The following ZKSCAN2 variants were observed in gnomAD, a reference collection of about 807,000 sequenced individuals.
ZKSCAN2 encodes zinc finger protein with KRAB and SCAN domains 2.
ZKSCAN2 carries 38 observed loss-of-function variants against 90.5 expected under a neutral mutation model. The ratio of observed to expected loss-of-function variants is 0.42; its 90% CI spans 0.32 to 0.55. The LOEUF (loss-of-function observed/expected upper bound fraction) is 0.55, where lower values mean the gene tolerates loss of function less well. Ranked by LOEUF, ZKSCAN2 falls within the 20% of genes least tolerant of loss-of-function variation. The pLI is 0.11. For missense variants in ZKSCAN2, 1,167 were observed against 1,202.6 expected (o/e 0.97, Z 0.44); for synonymous variants, 429 against 421.6 (o/e 1.02, Z -0.22).
intron 6 of ZKSCAN2, 88 bp downstream of exon 6, chr16:25,243,697 T>G: frequency 7.0e-7 from 1 of 1,427,742 alleles, no homozygotes; most frequent in Non-Finnish European, 9.5e-7. Context: ...GAAGGAATAT[T>G]CATGAGCTAT....
chr16:25,240,428 C>T lies in ZKSCAN2; in HGVS notation c.2292G>A (p.Met764Ile). 2.5e-6 allele frequency: 4 copies of T among 1,614,216 alleles called. No individual in the cohort carries two copies. The highest frequency in any genetic ancestry group is 3.4e-6 in the Non-Finnish European group (4 of 1,180,042). The change falls in exon 7 of 7, where the codon ATG (methionine) becomes ATA (isoleucine). Residue 764 changes from methionine (M) to isoleucine (I), a missense_variant. Transcript: ENST00000328086. ...GESFGRSTRLMCRMTHHKENP... is the reference protein window; with the variant it reads ...GESFGRSTRLICRMTHHKENP... ...TCTCCTTGTGGTGGGTCATCCGGCA[C>T]ATCAGACGAGTGCTCCTTCCAAAGC... is the stretch of plus-strand genomic sequence containing the variant.
Position 25,251,923 on chromosome 16 carries a change from T to C in ZKSCAN2, c.791A>G (p.Asn264Ser). 6.2e-7 allele frequency: 1 copy of C among 1,614,146 alleles called. No homozygotes were observed. Among genetic ancestry groups the C allele is most frequent in the South Asian group, 1.1e-5 (1 of 91,086 alleles). The change falls in exon 4 of 7, where the codon AAC becomes AGC. Residue 264 changes from asparagine to serine, a missense_variant. Transcript: ENST00000328086. Reference protein sequence around the residue: ...YRDFRKENVGNVVSLGSAVST... With the variant: ...YRDFRKENVGSVVSLGSAVST... Reference sequence around the variant, plus strand: ...GGAATCCTTACCCAGGGAGACCACGTTCCCAACATTCTCCTTCCTGAAATC... The same window carrying C: ...GGAATCCTTACCCAGGGAGACCACGCTCCCAACATTCTCCTTCCTGAAATC...
rs1001790536 is a variant in ZKSCAN2 at position 25,237,771 on chromosome 16, T to A, written c.*2045A>T. On this transcript the variant is annotated 3_prime_UTR_variant, in exon 7 of 7. Coordinates refer to ENST00000328086, the MANE Select transcript of ZKSCAN2 (RefSeq NM_001012981.5). The stretch of plus-strand genomic sequence containing the variant: ...TGAATAAGTCATCTACTTTCCTGAA[T>A]CATGCTTCCACATAATATCAATCCT... 11 of 152,376 alleles carry A rather than the reference T, an allele frequency of 7.2e-5. No individual in the cohort carries two copies. Among genetic ancestry groups the A allele is most frequent in the Middle Eastern group, 3.4e-3 (1 of 294 alleles). The allele number at this position is 152,376 out of a possible 1,614,324, so 9.4% of individuals were successfully genotyped here.
Position 25,238,914 on chromosome 16 carries a change from G to A in ZKSCAN2, c.*902C>T, listed in dbSNP as rs1009434221. The A allele has an allele frequency of 1.3e-5, 2 of 152,320 alleles. No individual in the cohort carries two copies. Among genetic ancestry groups the A allele is most frequent in the South Asian group, 2.1e-4 (1 of 4,832 alleles). The allele number at this position is 152,320 out of a possible 1,614,324, so 9.4% of individuals were successfully genotyped here. A position where few individuals can be genotyped will look rare whatever the true frequency, so the allele number is the denominator to read the frequency against. Reference sequence around the variant, plus strand: ...AGTCATGTTCTAGATAAGAGCCAGAGAAGTTAGAGGATAGAACTAGAACGC... The same window carrying A: ...AGTCATGTTCTAGATAAGAGCCAGAAAAGTTAGAGGATAGAACTAGAACGC... On this transcript the variant is annotated 3_prime_UTR_variant, in exon 7 of 7. Transcript: ENST00000328086.
chr16:25,238,197 G>T lies in ZKSCAN2; in HGVS notation c.*1619C>A, dbSNP rs1486782918. On this transcript the variant is annotated 3_prime_UTR_variant, in exon 7 of 7. Transcript: ENST00000328086. ...ACCAAAAGGAAAAATATCATTTCCA[G>T]ATGGCTTCAAATAAGAGCATTTGAC... 1.3e-5 allele frequency: 2 copies of T among 152,232 alleles called. No homozygotes were observed. The highest frequency in any genetic ancestry group is 4.8e-5 in the African/African-American group (2 of 41,458). 9.4% of individuals were successfully genotyped at this position (152,232 alleles called of 1,614,324 possible).
At chr16:25,249,600 A>G (rs1431893510) in intron 4 of ZKSCAN2, among the ~76,000 whole-genome samples, 1 of 152,136 alleles carries the variant, frequency 6.6e-6, no homozygotes, top group Non-Finnish European at 1.5e-5. Context: ...GGATTTGTTA[A>G]TTAGCTGATT....
chr16:25,257,054 T>A lies in ZKSCAN2; in HGVS notation c.74A>T (p.Lys25Met). The change falls in exon 1 of 7, where the codon AAG (lysine) becomes ATG (methionine). Residue 25 changes from lysine (K) to methionine (M), a missense_variant. Coordinates refer to ENST00000328086, the MANE Select transcript of ZKSCAN2 (RefSeq NM_001012981.5). ...GGGCTCTGATGCCCACTCAGGGTCC[T>A]TTTCCACCTTCATTATTAGGCATCC... ...VEGCLIMKVE[K>M]DPEWASEPIL... is the part of the protein sequence containing the mutation. The A allele has an allele frequency of 2.5e-6, 4 of 1,613,694 alleles. No homozygotes were observed. Among genetic ancestry groups the A allele is most frequent in the Non-Finnish European group, 3.4e-6 (4 of 1,179,786 alleles).
chr16:25,249,247 G>A (rs2141366475), intron 4 of ZKSCAN2, among the ~76,000 whole-genome samples: 1 of 152,262 alleles, frequency 6.6e-6, no homozygotes, highest in East Asian at 1.9e-4. Context: ...CTATTATATA[G>A]TGACTATAAT....
At chr16:25,251,276 G>A (rs951182285) in intron 4 of ZKSCAN2, among the ~76,000 whole-genome samples, 3 of 152,098 alleles carry the variant, frequency 2.0e-5, no homozygotes, top group Admixed American at 6.5e-5. Context: ...CCTGAGACAC[G>A]TCAAAGATGT....
At position 25,244,003 on chromosome 16, in the gene ZKSCAN2, G is replaced by A. The variant is rs769422879; in HGVS notation, c.1763C>T (p.Ser588Phe). Reference sequence around the variant, plus strand: ...CTCTGGGGTGCTGGGGGAAGGAGCAGATGCCCGAGAGTTAATCAGGGCATC... The same window carrying A: ...CTCTGGGGTGCTGGGGGAAGGAGCAAATGCCCGAGAGTTAATCAGGGCATC... ...EMDALINSRA[S>F]APSPSTPEEV... The change falls in exon 6 of 7, where the codon TCT (serine) becomes TTT (phenylalanine). Residue 588 changes from serine (S) to phenylalanine (F), a missense_variant. By Grantham distance (155) the Ser-to-Phe change is radical (BLOSUM62 -2). Coordinates refer to ENST00000328086, the MANE Select transcript of ZKSCAN2 (RefSeq NM_001012981.5). 1 of 1,614,190 alleles carries A rather than the reference G, an allele frequency of 6.2e-7. No individual in the cohort carries two copies.
At position 25,251,595 on chromosome 16, in the gene ZKSCAN2, A is replaced by T. The variant is rs115907787; in HGVS notation, c.805+314T>A. Among the ~76,000 whole-genome samples the T allele has an allele frequency of 6.7e-4, 102 of 152,312 alleles. 1 individual carries two copies. The highest frequency in any genetic ancestry group is 2.4e-3 in the African/African-American group (99 of 41,570). On this transcript the variant is annotated intron_variant, in intron 4 of 6. Transcript: ENST00000328086. ...TTGCTTACTTTACTTTGACCAGGGG[A>T]AGTTTCTTAAGCTCTCTAAGCCTCA...
In ZKSCAN2 at chr16:25,240,504, T is replaced by C; in HGVS notation, c.2216A>G (p.Gln739Arg). The change falls in exon 7 of 7, where the codon CAG (glutamine) becomes CGG (arginine). Residue 739 changes from glutamine to arginine, a missense_variant. Transcript: ENST00000328086. The part of the protein sequence containing the change: ...PRDLGKAVVH[Q>R]RPFVGKRPYR... ...GGGTCTCTTCCCCACAAAAGGCCTC[T>C]GATGCACAACGGCTTTCCCTAAATC... The C allele has an allele frequency of 1.2e-6, 2 of 1,614,214 alleles. No homozygotes were observed. Among genetic ancestry groups the C allele is most frequent in the Non-Finnish European group, 1.7e-6 (2 of 1,180,036 alleles).
Position 25,240,308 on chromosome 16 carries a change from T to G in ZKSCAN2, c.2412A>C (p.Lys804Asn). Reference protein sequence around the residue: ...QRIHTGEKPFKCLDCGKSFND... With the variant: ...QRIHTGEKPFNCLDCGKSFND... ...TAAAGCTTTTTCCACAGTCAAGACA[T>G]TTAAAAGGTTTTTCGCCTGTGTGGA... Residue 804 changes from lysine to asparagine, a missense_variant, in exon 7 of 7, where the codon AAA (lysine) becomes AAC (asparagine). Coordinates refer to ENST00000328086, the MANE Select transcript of ZKSCAN2 (RefSeq NM_001012981.5). The G allele has an allele frequency of 6.2e-7, 1 of 1,614,088 alleles. No homozygotes were observed. The highest frequency in any genetic ancestry group is 1.6e-4 in the Middle Eastern group (1 of 6,062).
At chr16:25,244,360 G>A (rs929676091) in intron 5 of ZKSCAN2, 84 bp from the exon 6 acceptor site, 5 of 1,451,266 alleles carry the variant, frequency 3.4e-6, no homozygotes, top group Non-Finnish European at 4.6e-6. Flanking sequence ...AAATGTAGAG[G>A]TAAAAAAAAA....
Position 25,239,294 on chromosome 16 carries a change from A to G in ZKSCAN2, c.*522T>C, listed in dbSNP as rs1239813227. The G allele has an allele frequency of 6.6e-6, 1 of 152,218 alleles. No individual in the cohort carries two copies. The highest frequency in any genetic ancestry group is 1.5e-5 in the Non-Finnish European group (1 of 68,190). 9.4% of individuals were successfully genotyped at this position (152,218 alleles called of 1,614,324 possible). ...AAAAAAAAAAGGTACACTGTAACAG[A>G]CTTCTGAGGAAAGCTATAAAATCTT... On this transcript the variant is annotated 3_prime_UTR_variant, in exon 7 of 7. Coordinates refer to ENST00000328086, the MANE Select transcript of ZKSCAN2 (RefSeq NM_001012981.5).
intron 6 of ZKSCAN2, among the ~76,000 whole-genome samples, chr16:25,241,983 C>A (rs1342407462): frequency 6.6e-6 from 1 of 152,196 alleles, no homozygotes; most frequent in Non-Finnish European, 1.5e-5. Flanking sequence ...GATCCTCCCA[C>A]CTCAACCCCA....
intron 5 of ZKSCAN2, among the ~76,000 whole-genome samples, chr16:25,245,748 T>C (rs1469291637): frequency 2.1e-5 from 3 of 145,962 alleles, no homozygotes; most frequent in African/African-American, 5.1e-5. Flanking sequence ...CCAGCCTGGG[T>C]GACAGAGTGA....
Position 25,239,658 on chromosome 16 carries a change from A to C in ZKSCAN2, c.*158T>G, listed in dbSNP as rs1284253640. ...CAGAAGAGGAGGAACAGACTGATGAAGTTAGAGGCAGAGGTGAGAACAGGA... is the reference window on the plus strand; with the variant it reads ...CAGAAGAGGAGGAACAGACTGATGACGTTAGAGGCAGAGGTGAGAACAGGA... On this transcript the variant is annotated 3_prime_UTR_variant, in exon 7 of 7. Coordinates refer to ENST00000328086, the MANE Select transcript of ZKSCAN2 (RefSeq NM_001012981.5). 6 of 609,974 alleles carry C rather than the reference A, an allele frequency of 9.8e-6. No homozygotes were observed. Among genetic ancestry groups the C allele is most frequent in the African/African-American group, 1.8e-5 (1 of 54,202 alleles). The allele number at this position is 609,974 out of a possible 1,614,324, so 37.8% of individuals were successfully genotyped here.
intron 2 of ZKSCAN2, 33 bp from the exon 3 acceptor site, chr16:25,253,070 G>C: frequency 6.5e-7 from 1 of 1,536,168 alleles, no homozygotes; most frequent in Non-Finnish European, 9.0e-7. Context: ...TTAGTAATCT[G>C]GGCTTTGACC....
Sources: allele counts gnomAD v4.1 joint callset (sites outside exome capture counted in the v4.1 genomes callset), GRCh38; gene constraint gnomAD v4.1.1; transcripts MANE v1.5; gene names NCBI Gene and HGNC (gene_info 2026-07-23, HGNC 2026-07-21).